PTPN4: variants seen among roughly 807,000 people sequenced by gnomAD.
PTPN4 encodes the protein protein tyrosine phosphatase non-receptor type 4, also known as tyrosine-protein phosphatase non-receptor type 4.
A neutral mutation model predicts 135.5 loss-of-function variants in PTPN4; 49 were observed. That is an observed-to-expected ratio of 0.36 (90% confidence interval 0.29 to 0.46). The LOEUF is 0.46. PTPN4 is among the 20% of genes least tolerant of loss of function. PTPN4 has a pLI of 1.00. For synonymous variants in PTPN4, 333 were observed against 369.9 expected, an observed-to-expected ratio of 0.90 and a Z score of 1.14; for missense variants, 860 against 1,101.0, an observed-to-expected ratio of 0.78 and a Z score of 3.10.
chr2:119,824,673 T>C (rs1677121668), intron 2 of PTPN4, among the ~76,000 whole-genome samples: 1 of 152,194 alleles, frequency 6.6e-6, no homozygotes, highest in Admixed American at 6.5e-5. Flanking sequence ...TTTATTATTA[T>C]GTAAGGAGTT....
At chr2:119,904,233 A>T (rs1490692628) in intron 10 of PTPN4, among the ~76,000 whole-genome samples, 1 of 152,174 alleles carries the variant, frequency 6.6e-6, no homozygotes, top group Non-Finnish European at 1.5e-5. Context: ...TAAAAAAAAA[A>T]GCCAACAAAT....
At chr2:119,915,148 T>C in intron 10 of PTPN4, 31 bp from the exon 11 acceptor site, 1 of 1,447,132 alleles carries the variant, frequency 6.9e-7, no homozygotes, top group Non-Finnish European at 9.3e-7. Flanking sequence ...CATTATTCAA[T>C]ACTTTGAATA....
chr2:119,779,166 C>G (rs1162385302), intron 1 of PTPN4, among the ~76,000 whole-genome samples: 1 of 152,156 alleles, frequency 6.6e-6, no homozygotes, highest in Non-Finnish European at 1.5e-5. Context: ...CTTGAGGGAA[C>G]CTTCTTTGTA....
chr2:119,889,568 C>T (rs1374538316), intron 9 of PTPN4, among the ~76,000 whole-genome samples: 1 of 152,080 alleles, frequency 6.6e-6, no homozygotes, highest in African/African-American at 2.4e-5. Context: ...TTTTGAAGAA[C>T]CAACTTTTTG....
At chr2:119,889,555 T>A (rs372604567) in intron 9 of PTPN4, among the ~76,000 whole-genome samples, 1 of 152,356 alleles carries the variant, frequency 6.6e-6, no homozygotes, top group East Asian at 1.9e-4. Flanking sequence ...ATTTTCTTTA[T>A]CTTTTTGAAG....
chr2:119,950,403 A>G (rs1289830517), intron 18 of PTPN4, among the ~76,000 whole-genome samples: 1 of 152,214 alleles, frequency 6.6e-6, no homozygotes, highest in East Asian at 1.9e-4. Context: ...CAGATTTTAA[A>G]GCTTTGGGTT....
intron 1 of PTPN4, among the ~76,000 whole-genome samples, chr2:119,795,126 A>G (rs926899267): frequency 1.3e-5 from 2 of 151,974 alleles, no homozygotes; most frequent in Non-Finnish European, 2.9e-5. Flanking sequence ...TGGTTGTCCC[A>G]TCATCTCTTG....
chr2:119,836,985 G>C (rs986887032), intron 2 of PTPN4, among the ~76,000 whole-genome samples: 29 of 152,186 alleles, frequency 1.9e-4, no homozygotes, highest in African/African-American at 7.0e-4. Context: ...GATTGATGGC[G>C]GCAGGAAGCT....
intron 3 of PTPN4, among the ~76,000 whole-genome samples, chr2:119,869,771 T>C (rs1242154564): frequency 6.6e-6 from 1 of 152,186 alleles, no homozygotes; most frequent in African/African-American, 2.4e-5. Flanking sequence ...AGTACACTCA[T>C]GAACACACAG....
At chr2:119,941,745 T>A (rs566130608) in intron 15 of PTPN4, among the ~76,000 whole-genome samples, 9 of 152,312 alleles carry the variant, frequency 5.9e-5, no homozygotes, top group Non-Finnish European at 1.2e-4. Context: ...TCCTTATAAT[T>A]TGGCTTAAAT....
chr2:119,848,322 C>T (rs182525331), intron 2 of PTPN4, among the ~76,000 whole-genome samples: 13 of 151,978 alleles, frequency 8.6e-5, no homozygotes, highest in African/African-American at 1.2e-4. Context: ...TACAGGCGCC[C>T]ACCACCATGC....
rs538193999 is a variant in PTPN4, at chr2:119,796,515, ATGT to A, written c.-17-13316_-17-13314del. 3.2e-3 allele frequency among the ~76,000 whole-genome samples: 493 copies of A among 152,178 alleles called. 2 individuals carry two copies. The highest frequency in any genetic ancestry group is 0.011 in the African/African-American group (466 of 41,514). ...ATTGTAATTATTTTTAGACTTGTCT[ATGT>A]TGTTGCATGTATGAATAGTTCTGTT... is the stretch of plus-strand genomic sequence containing the variant. On this transcript the variant is annotated intron_variant, in intron 1 of 26. Transcript: ENST00000263708.
At chr2:119,853,843 G>C (rs1394602918) in intron 2 of PTPN4, among the ~76,000 whole-genome samples, 1 of 152,022 alleles carries the variant, frequency 6.6e-6, no homozygotes, top group Non-Finnish European at 1.5e-5. Context: ...GGGCTCTGAT[G>C]ACTAGAGGAA....
intron 15 of PTPN4, among the ~76,000 whole-genome samples, chr2:119,942,681 A>G (rs1020594159): frequency 3.9e-5 from 6 of 152,160 alleles, no homozygotes; most frequent in Non-Finnish European, 5.9e-5. Context: ...TACTTCTGGT[A>G]TTTGTAAAGT....
chr2:119,819,270 C>G (rs1677032749), intron 2 of PTPN4, among the ~76,000 whole-genome samples: 1 of 152,138 alleles, frequency 6.6e-6, no homozygotes, highest in Non-Finnish European at 1.5e-5. Flanking sequence ...TGGTTGGTAT[C>G]TGTTGCTTGT....
chr2:119,877,526 C>G lies in PTPN4; in HGVS notation c.352C>G (p.Gln118Glu). 1 of 1,608,532 alleles carries G rather than the reference C, an allele frequency of 6.2e-7. No homozygotes were observed. Among genetic ancestry groups the G allele is most frequent in the Non-Finnish European group, 8.5e-7 (1 of 1,178,176 alleles). The change falls in exon 5 of 27, where the codon CAA becomes GAA. Residue 118 changes from glutamine to glutamate, a missense_variant. Gln to Glu is a conservative substitution (Grantham distance 29). Transcript: ENST00000263708. ...KFFVSDPNKL[Q>E]EEYTRYQYFL... ...TTTTGTAAGTGACCCCAACAAGTTA[C>G]AAGAAGAATATACAAGGTGGGTTTA...
At chr2:119,940,603 ACACCAC>A (rs1679046952) in intron 15 of PTPN4, among the ~76,000 whole-genome samples, 1 of 152,136 alleles carries the variant, frequency 6.6e-6, no homozygotes, top group African/African-American at 2.4e-5. Flanking sequence ...CTACAGGTAT[ACACCAC>A]CATCCCCAGT....
At position 119,977,055 on chromosome 2, in the gene PTPN4, A is replaced by C. The variant is rs767705035; in HGVS notation, c.2766A>C (p.Thr922=). 1.3e-6 allele frequency: 2 copies of C among 1,595,312 alleles called. No individual in the cohort carries two copies. The highest frequency in any genetic ancestry group is 8.5e-7 in the Non-Finnish European group (1 of 1,174,884). ...AAGGCTTTGTTAAACCCTTAACAAC[A>C]TCAACAAATAAATAAGAAAGCAAAA... ...YEEGFVKPLT[T]STNK is the part of the protein sequence containing the mutation. The change falls in exon 27 of 27, where the codon ACA becomes ACC. Residue 922 remains threonine (T), a synonymous_variant. Coordinates refer to ENST00000263708, the MANE Select transcript of PTPN4 (RefSeq NM_002830.4).
At chr2:119,795,732 C>T (rs535355274) in intron 1 of PTPN4, among the ~76,000 whole-genome samples, 22 of 152,366 alleles carry the variant, frequency 1.4e-4, no homozygotes, top group African/African-American at 2.4e-4. Flanking sequence ...GCCTGGGGGG[C>T]GGGGCTTCTG....
Sources: allele counts gnomAD v4.1 joint callset (sites outside exome capture counted in the v4.1 genomes callset), GRCh38; gene constraint gnomAD v4.1.1; transcripts MANE v1.5; gene names NCBI Gene and HGNC (gene_info 2026-07-23, HGNC 2026-07-21).